The following NPNT variants were observed in gnomAD, a reference collection of about 807,000 sequenced individuals.
NPNT encodes the protein preosteoblast EGF-like repeat protein with MAM domain.
Under a neutral mutation model 68.6 loss-of-function variants are expected in NPNT, and 45 were observed. The observed-to-expected ratio is 0.66, with a 90% CI of 0.52 to 0.84. The LOEUF (loss-of-function observed/expected upper bound fraction) is 0.84. NPNT is among the 40% of genes least tolerant of loss of function. The pLI is 0.00. For missense variants in NPNT, 672 were observed against 714.8 expected (o/e 0.94, Z 0.68); for synonymous variants, 233 against 253.3 (o/e 0.92, Z 0.76).
intron 11 of NPNT, 100 bp downstream of exon 11, chr4:105,967,544 C>A: frequency 7.9e-7 from 1 of 1,267,864 alleles, no homozygotes; most frequent in Non-Finnish European, 1.1e-6. Context: ...TGAATTCAGG[C>A]TCAGATAAAG....
chr4:105,949,272 T>C (rs1198258816), intron 8 of NPNT, among the ~76,000 whole-genome samples: 1 of 152,178 alleles, frequency 6.6e-6, no homozygotes, highest in African/African-American at 2.4e-5. Context: ...TTTTCCCAAG[T>C]TGTTTTAACC....
At chr4:105,911,714 T>C (rs1727378834) in intron 2 of NPNT, 7 of 163,410 alleles carry the variant, frequency 4.3e-5, no homozygotes, top group Admixed American at 3.1e-4. Flanking sequence ...GAAGGGAACA[T>C]ACAGTATGTA....
At position 105,959,268 on chromosome 4, in the gene NPNT, T is replaced by C. The variant is rs566719082; in HGVS notation, c.1345+142T>C. 2.1e-5 allele frequency: 12 copies of C among 582,274 alleles called. No individual in the cohort carries two copies. The South Asian group carries it at 2.8e-4, about 14-fold the overall frequency. 36.1% of individuals were successfully genotyped at this position (582,274 alleles called of 1,614,324 possible). A position where few individuals can be genotyped will look rare whatever the true frequency, so the allele number is the denominator to read the frequency against. ...TGGTCAAAAAGGACCATGCCTAGCA[T>C]TTATATTTCATTTCTTTGAAAGAGT... On this transcript the variant is annotated intron_variant, in intron 10 of 11. Coordinates refer to ENST00000379987, the MANE Select transcript of NPNT (RefSeq NM_001033047.3).
rs947961269 is a variant in NPNT at position 105,969,737 on chromosome 4, G to A, written c.*747G>A. 3 of 152,140 alleles carry A rather than the reference G, an allele frequency of 2.0e-5. No homozygotes were observed. The highest frequency in any genetic ancestry group is 7.2e-5 in the African/African-American group (3 of 41,394). 9.4% of individuals were successfully genotyped at this position (152,140 alleles called of 1,614,324 possible). A position where few individuals can be genotyped will look rare whatever the true frequency, so the allele number is the denominator to read the frequency against. On this transcript the variant is annotated 3_prime_UTR_variant, in exon 12 of 12. Coordinates refer to ENST00000379987, the MANE Select transcript of NPNT (RefSeq NM_001033047.3). ...AGCTTGTGATCTCAAAAAAATACAT[G>A]GTGAAATGTCATCCAGTTCCATGAC...
At chr4:105,905,834 A>T (rs959496936) in intron 2 of NPNT, among the ~76,000 whole-genome samples, 2 of 152,184 alleles carry the variant, frequency 1.3e-5, no homozygotes, top group African/African-American at 4.8e-5. Flanking sequence ...TTATTGCTAC[A>T]AATTTTCTTA....
In NPNT at chr4:105,925,861, T is replaced by A. The variant is rs143297290; in HGVS notation, c.173-1475T>A. ...ACCATCACCAGAGCTTTGATAAGATTCCCAGAGCTTTGATTTTTATCAGGC... is the reference window on the plus strand; with the variant it reads ...ACCATCACCAGAGCTTTGATAAGATACCCAGAGCTTTGATTTTTATCAGGC... On this transcript the variant is annotated intron_variant, in intron 2 of 11. Coordinates refer to ENST00000379987, the MANE Select transcript of NPNT (RefSeq NM_001033047.3). Among the ~76,000 whole-genome samples, 4 of 152,314 alleles carry A rather than the reference T, an allele frequency of 2.6e-5. No homozygotes were observed. In the East Asian group the frequency reaches 7.7e-4, roughly 29 times the overall value.
At chr4:105,898,801 G>A (rs534809045) in intron 2 of NPNT, among the ~76,000 whole-genome samples, 5 of 152,172 alleles carry the variant, frequency 3.3e-5, no homozygotes, top group South Asian at 2.1e-4. Flanking sequence ...ATTTTATCGC[G>A]ATCTTAAAAT....
chr4:105,895,889 G>A (rs561595649), intron 1 of NPNT, 166 bp downstream of exon 1: 1 of 622,592 alleles, frequency 1.6e-6, no homozygotes. Flanking sequence ...CAGCGGCTCC[G>A]AGTGCCCGCC....
rs546610499 is a variant in NPNT at position 105,953,168 on chromosome 4, A to G, written c.1160-5303A>G. Reference sequence around the variant, plus strand: ...GTGACACAGCAAGACTCTGTCTCAAAAGAAAAAAAATTATCCTGTCTCCGG... The same window carrying G: ...GTGACACAGCAAGACTCTGTCTCAAGAGAAAAAAAATTATCCTGTCTCCGG... On this transcript the variant is annotated intron_variant, in intron 8 of 11. Transcript: ENST00000379987. 4.6e-5 allele frequency among the ~76,000 whole-genome samples: 7 copies of G among 152,234 alleles called. No homozygotes were observed. The South Asian group carries it at 1.2e-3, about 27-fold the overall frequency.
At chr4:105,898,041 G>A in intron 2 of NPNT, 40 bp downstream of exon 2, 5 of 1,381,888 alleles carry the variant, frequency 3.6e-6, no homozygotes, top group Non-Finnish European at 5.0e-6. Context: ...CCTGGGAGGT[G>A]TGGCTTTCCA....
chr4:105,942,063 C>T (rs562037388), intron 7 of NPNT, among the ~76,000 whole-genome samples: 1 of 151,330 alleles, frequency 6.6e-6, no homozygotes, highest in East Asian at 1.9e-4. Flanking sequence ...ATATTTGTTA[C>T]ATACATCCAA....
At chr4:105,898,102 G>T in intron 2 of NPNT, 101 bp downstream of exon 2, 1 of 767,982 alleles carries the variant, frequency 1.3e-6, no homozygotes, top group Non-Finnish European at 2.1e-6. Context: ...ACTGAGCAAG[G>T]CTTGGCCTTG....
intron 3 of NPNT, among the ~76,000 whole-genome samples, chr4:105,936,615 G>A (rs565222446): frequency 6.6e-6 from 1 of 152,164 alleles, no homozygotes; most frequent in African/African-American, 2.4e-5. Flanking sequence ...GAACGAATAG[G>A]GTTACATTGT....
intron 2 of NPNT, among the ~76,000 whole-genome samples, chr4:105,925,094 A>G (rs1228629606): frequency 2.6e-5 from 4 of 152,052 alleles, no homozygotes; most frequent in African/African-American, 9.7e-5. Flanking sequence ...AGAGTGGCTT[A>G]CTTCTGGAAC....
At position 105,927,905 on chromosome 4, in the gene NPNT, T is replaced by C. The variant is rs374949663; in HGVS notation, c.265+477T>C. On this transcript the variant is annotated intron_variant, in intron 3 of 11. Coordinates refer to ENST00000379987, the MANE Select transcript of NPNT (RefSeq NM_001033047.3). ...TGACCAGTTTGGAATGTTTCCATGA[T>C]AAATAAAAATGATTAATTTAGCAAG... Among the ~76,000 whole-genome samples, 15 of 152,340 alleles carry C rather than the reference T, an allele frequency of 9.8e-5. 1 individual carries two copies. The South Asian group carries it at 3.1e-3, about 32-fold the overall frequency.
intron 2 of NPNT, among the ~76,000 whole-genome samples, chr4:105,905,970 CTTTAT>C (rs1340356261): frequency 6.6e-6 from 1 of 152,058 alleles, no homozygotes; most frequent in African/African-American, 2.4e-5. Flanking sequence ...AAATTGATTT[CTTTAT>C]TTCTATTTGT....
chr4:105,911,487 A>G (rs1298854330), intron 2 of NPNT: 1 of 152,178 alleles, frequency 6.6e-6, no homozygotes, highest in Non-Finnish European at 1.5e-5. Flanking sequence ...TCTTACCTCT[A>G]AAATCTCTAG....
At chr4:105,916,691 T>A (rs188073947) in intron 2 of NPNT, among the ~76,000 whole-genome samples, 1 of 152,320 alleles carries the variant, frequency 6.6e-6, no homozygotes, top group Admixed American at 6.5e-5. Flanking sequence ...GAAGCATATC[T>A]CACATTGCCC....
At chr4:105,934,941 G>T (rs939002503) in intron 3 of NPNT, among the ~76,000 whole-genome samples, 1 of 152,124 alleles carries the variant, frequency 6.6e-6, no homozygotes, top group African/African-American at 2.4e-5. Context: ...AATCCTAAGG[G>T]GCCCTTTATT....
Sources: allele counts gnomAD v4.1 joint callset (sites outside exome capture counted in the v4.1 genomes callset), GRCh38; gene constraint gnomAD v4.1.1; transcripts MANE v1.5; gene names NCBI Gene and HGNC (gene_info 2026-07-23, HGNC 2026-07-21).